Variants in TYW1B observed in about 807,000 individuals in gnomAD.
TYW1B encodes S-adenosyl-L-methionine-dependent tRNA 4-demethylwyosine synthase TYW1B.
Under a neutral mutation model 86.9 loss-of-function variants are expected in TYW1B, and 73 were observed. That is an observed-to-expected ratio of 0.84 (90% CI 0.70 to 1.02). The LOEUF (loss-of-function observed/expected upper bound fraction) is 1.02, where lower values mean the gene tolerates loss of function less well. Among genes scored for constraint, TYW1B ranks in the 50% least tolerant of loss-of-function variants. The pLI, the probability that TYW1B is intolerant of heterozygous loss-of-function variation, is 0.00. For synonymous variants in TYW1B, 248 were observed against 292.8 expected, an observed-to-expected ratio of 0.85 and a Z score of 1.56; for missense variants, 637 against 827.4, an observed-to-expected ratio of 0.77 and a Z score of 2.82.
intron 13 of TYW1B, among the ~76,000 whole-genome samples, chr7:72,607,063 C>A (rs1337452376): frequency 6.6e-6 from 1 of 151,982 alleles, no homozygotes; most frequent in African/African-American, 2.4e-5. Context: ...TTAAAGCAGC[C>A]ATCACAAATG....
At chr7:72,755,867 G>A (rs1158690901) in intron 7 of TYW1B, among the ~76,000 whole-genome samples, 2 of 152,166 alleles carry the variant, frequency 1.3e-5, no homozygotes, top group Admixed American at 6.6e-5. Flanking sequence ...GCCAAGAATC[G>A]GGTTCTTTAT....
chr7:72,714,848 C>G, intron 9 of TYW1B, among the ~76,000 whole-genome samples: 1 of 152,102 alleles, frequency 6.6e-6, no homozygotes, highest in East Asian at 1.9e-4. Flanking sequence ...ACCCAGGAGG[C>G]ACAGATTGCA....
chr7:72,731,531 CTGAA>C (rs1554459968), intron 8 of TYW1B, among the ~76,000 whole-genome samples: 1 of 151,782 alleles, frequency 6.6e-6, no homozygotes, highest in African/African-American at 2.4e-5. Flanking sequence ...TATAAACTGG[CTGAA>C]TGAATTTAAA....
chr7:72,784,990 A>AC (rs1162646399), intron 6 of TYW1B, among the ~76,000 whole-genome samples: 1 of 147,900 alleles, frequency 6.8e-6, no homozygotes, highest in Non-Finnish European at 1.5e-5. Context: ...AAATATCCCT[A>AC]CCCCCCAGTC....
intron 11 of TYW1B, among the ~76,000 whole-genome samples, chr7:72,633,141 C>G (rs868961929): frequency 2.1e-4 from 32 of 152,330 alleles, no homozygotes; most frequent in South Asian, 8.3e-4. Flanking sequence ...AAGTTACTGC[C>G]CCTTTCCTAG....
rs148120963 is a variant in TYW1B at position 72,594,927 on chromosome 7, AC to A, written c.1786-19209del. ...TGCAGGAAAGGCATCTGACAAAACA[AC>A]ACCCTTTCGTGTTTTTCATGATAAA... On this transcript the variant is annotated intron_variant, in intron 13 of 13. Transcript: ENST00000620995. 6.5e-3 allele frequency among the ~76,000 whole-genome samples: 989 copies of A among 152,334 alleles called. 8 individuals are homozygous for A. The highest frequency in any genetic ancestry group is 0.023 in the African/African-American group (943 of 41,580).
intron 11 of TYW1B, among the ~76,000 whole-genome samples, chr7:72,693,457 G>A (rs565930908): frequency 7.0e-6 from 1 of 142,716 alleles, no homozygotes; most frequent in East Asian, 2.0e-4. Flanking sequence ...CACCCACACT[G>A]GAGTGCAGTG....
intron 9 of TYW1B, among the ~76,000 whole-genome samples, chr7:72,716,523 T>C (rs1585925395): frequency 1.3e-5 from 2 of 152,234 alleles, no homozygotes; most frequent in East Asian, 1.9e-4. Flanking sequence ...GATTTTATTT[T>C]AGACACACTG....
At chr7:72,687,927 T>C (rs1417566123) in intron 11 of TYW1B, among the ~76,000 whole-genome samples, 1 of 151,992 alleles carries the variant, frequency 6.6e-6, no homozygotes, top group Non-Finnish European at 1.5e-5. Flanking sequence ...GTGGAGCACA[T>C]CTCTATCCCA....
intron 11 of TYW1B, among the ~76,000 whole-genome samples, chr7:72,635,942 A>G (rs1397198429): frequency 6.6e-6 from 1 of 152,216 alleles, no homozygotes; most frequent in Non-Finnish European, 1.5e-5. Flanking sequence ...TTGAATTCCA[A>G]TGCGCAGCAC....
chr7:72,760,417 T>C (rs1464741837), intron 7 of TYW1B, among the ~76,000 whole-genome samples: 1 of 152,220 alleles, frequency 6.6e-6, no homozygotes, highest in Non-Finnish European at 1.5e-5. Flanking sequence ...AGAAATATAA[T>C]TTGGATCCAA....
chr7:72,758,474 T>A lies in TYW1B; in HGVS notation c.965-13873A>T, dbSNP rs532181476. ...AACATTTTTTTCTCTTAGAAAAAAA[T>A]TTTTCTCTCTCTGTTTGTTATCTGG... On this transcript the variant is annotated intron_variant, in intron 7 of 13. Transcript: ENST00000620995. 7.9e-5 allele frequency among the ~76,000 whole-genome samples: 12 copies of A among 151,852 alleles called. No homozygotes were observed. The South Asian group carries it at 2.3e-3, about 29-fold the overall frequency.
intron 10 of TYW1B, among the ~76,000 whole-genome samples, chr7:72,705,148 C>T (rs782600358): frequency 6.6e-6 from 1 of 152,174 alleles, no homozygotes; most frequent in Non-Finnish European, 1.5e-5. Flanking sequence ...ATTCAATCTT[C>T]GTTTCATTGT....
At chr7:72,824,635 G>A (rs1788895830) in intron 2 of TYW1B, among the ~76,000 whole-genome samples, 1 of 152,006 alleles carries the variant, frequency 6.6e-6, no homozygotes, top group South Asian at 2.1e-4. Flanking sequence ...CAGCTACTAG[G>A]GAGGCTGAGG....
intron 9 of TYW1B, among the ~76,000 whole-genome samples, chr7:72,728,503 C>T (rs1361796986): frequency 2.0e-5 from 3 of 152,074 alleles, no homozygotes; most frequent in Non-Finnish European, 4.4e-5. Context: ...GACGGGGTTT[C>T]ACCATGTTAG....
chr7:72,777,008 A>G (rs1787967333), intron 7 of TYW1B, among the ~76,000 whole-genome samples: 5 of 152,146 alleles, frequency 3.3e-5, no homozygotes, highest in Admixed American at 3.3e-4. Flanking sequence ...TCTTTCCTCC[A>G]CAGGAAACTA....
intron 7 of TYW1B, among the ~76,000 whole-genome samples, chr7:72,746,415 C>G (rs1262272881): frequency 6.6e-6 from 1 of 152,140 alleles, no homozygotes; most frequent in Non-Finnish European, 1.5e-5. Flanking sequence ...ATGCTAGTCA[C>G]AGAGTAATTT....
At chr7:72,738,466 T>C (rs1268293039) in intron 8 of TYW1B, among the ~76,000 whole-genome samples, 1 of 152,148 alleles carries the variant, frequency 6.6e-6, no homozygotes, top group Non-Finnish European at 1.5e-5. Context: ...ACACAGGTTA[T>C]TTCAACCTCA....
At chr7:72,700,490 A>G (rs144135560) in intron 10 of TYW1B, among the ~76,000 whole-genome samples, 345 of 152,170 alleles carry the variant, frequency 2.3e-3, no homozygotes, top group African/African-American at 8.0e-3. Flanking sequence ...TGATTTTCTA[A>G]CAACTACAAA....
Sources: allele counts gnomAD v4.1 joint callset (sites outside exome capture counted in the v4.1 genomes callset), GRCh38; gene constraint gnomAD v4.1.1; transcripts MANE v1.5; gene names NCBI Gene and HGNC (gene_info 2026-07-23, HGNC 2026-07-21).